Variants in CACNA1E observed in about 807,000 individuals in gnomAD.
CACNA1E encodes the protein voltage-dependent R-type calcium channel subunit alpha-1E.
In CACNA1E, 40 loss-of-function variants were observed where a neutral mutation model predicts 259.2. The observed-to-expected ratio is 0.15, with a 90% CI of 0.12 to 0.20. The LOEUF (loss-of-function observed/expected upper bound fraction) is 0.20, where lower values mean the gene tolerates loss of function less well. CACNA1E is among the 10% of genes least tolerant of loss of function. CACNA1E has a pLI of 1.00. For missense variants in CACNA1E, 1,874 were observed against 3,040.1 expected (o/e 0.62, Z 9.02); for synonymous variants, 1,104 against 1,138.5 (o/e 0.97, Z 0.61).
chr1:181,499,204 T>C (rs1665035108), intron 1 of CACNA1E, among the ~76,000 whole-genome samples: 1 of 152,124 alleles, frequency 6.6e-6, no homozygotes, highest in Non-Finnish European at 1.5e-5. Context: ...CATCTCAGAA[T>C]GGTTGCTGGG....
intron 29 of CACNA1E, among the ~76,000 whole-genome samples, chr1:181,756,676 A>G (rs1483018112): frequency 1.3e-5 from 2 of 152,198 alleles, no homozygotes; most frequent in South Asian, 2.1e-4. Flanking sequence ...TGTATTGAAC[A>G]TGACAACCTA....
rs557421154 is a variant in CACNA1E at position 181,631,222 on chromosome 1, G to A, written c.952-20116G>A. ...TATAGGTAGTCCTGCAGCCCAGGCT[G>A]TGTGCTGATTAGTCTGGGCTGTTGT... On this transcript the variant is annotated intron_variant, in intron 6 of 47. Transcript: ENST00000367573. Among the ~76,000 whole-genome samples, 4 of 152,286 alleles carry A rather than the reference G, an allele frequency of 2.6e-5. No individual in the cohort carries two copies. The East Asian group carries it at 7.7e-4, about 29-fold the overall frequency.
chr1:181,382,170 G>C (rs964305773), intron 1 of CACNA1E, among the ~76,000 whole-genome samples: 2 of 152,110 alleles, frequency 1.3e-5, no homozygotes, highest in African/African-American at 2.4e-5. Context: ...AAGATGAGGG[G>C]AAAAGTGTTC....
At chr1:181,449,575 C>T (rs1436526262) in intron 2 of CACNA1E, among the ~76,000 whole-genome samples, 1 of 152,126 alleles carries the variant, frequency 6.6e-6, no homozygotes, top group Non-Finnish European at 1.5e-5. Context: ...ATCTCTTCTC[C>T]CCCTTAGCTT....
At chr1:181,723,433 A>T (rs1236299825) in intron 16 of CACNA1E, among the ~76,000 whole-genome samples, 1 of 152,080 alleles carries the variant, frequency 6.6e-6, no homozygotes, top group African/African-American at 2.4e-5. Context: ...CTGTTCCCTT[A>T]CTCATCAACA....
chr1:181,661,865 A>T (rs558741128), intron 7 of CACNA1E, among the ~76,000 whole-genome samples: 1 of 152,222 alleles, frequency 6.6e-6, no homozygotes, highest in Non-Finnish European at 1.5e-5. Flanking sequence ...TTGGACTGAG[A>T]TCTACTAGGC....
chr1:181,540,681 CAG>C (rs1245795594), intron 3 of CACNA1E, among the ~76,000 whole-genome samples: 1 of 152,198 alleles, frequency 6.6e-6, no homozygotes, highest in East Asian at 1.9e-4. Context: ...GGGACACTGA[CAG>C]GGATATGAAC....
chr1:181,439,528 C>T (rs1660314415), intron 2 of CACNA1E, among the ~76,000 whole-genome samples: 1 of 152,132 alleles, frequency 6.6e-6, no homozygotes, highest in East Asian at 1.9e-4. Context: ...CCCTTAAGGA[C>T]AGGGCTGCAA....
intron 19 of CACNA1E, 115 bp downstream of exon 19, chr1:181,731,346 T>C (rs950672904): frequency 1.5e-5 from 12 of 783,556 alleles, no homozygotes; most frequent in Non-Finnish European, 2.2e-5. Flanking sequence ...GTGTGTGGCT[T>C]GGTGTGTGTG....
intron 7 of CACNA1E, among the ~76,000 whole-genome samples, chr1:181,672,251 G>C (rs554477402): frequency 1.3e-5 from 2 of 152,238 alleles, no homozygotes; most frequent in South Asian, 4.1e-4. Flanking sequence ...GAGGGTGGGA[G>C]GAGGGAGAGG....
intron 16 of CACNA1E, among the ~76,000 whole-genome samples, chr1:181,724,192 C>T (rs1260137191): frequency 6.6e-6 from 1 of 152,188 alleles, no homozygotes; most frequent in Non-Finnish European, 1.5e-5. Context: ...TCGTAATTTT[C>T]CTCACCCCAT....
chr1:181,727,245 C>T (rs1654996531), intron 18 of CACNA1E, among the ~76,000 whole-genome samples: 1 of 152,182 alleles, frequency 6.6e-6, no homozygotes, highest in Non-Finnish European at 1.5e-5. Context: ...GACAGCGCTC[C>T]TCCTGCTTAA....
At chr1:181,557,355 C>A (rs1648841765) in intron 3 of CACNA1E, among the ~76,000 whole-genome samples, 2 of 152,164 alleles carry the variant, frequency 1.3e-5, no homozygotes, top group Non-Finnish European at 2.9e-5. Flanking sequence ...TTCTGTACAG[C>A]CTTTGTTTTG....
chr1:181,732,236 G>T lies in CACNA1E; in HGVS notation c.2298-148G>T. 1 of 1,253,830 alleles carries T rather than the reference G, an allele frequency of 8.0e-7. No homozygotes were observed. The highest frequency in any genetic ancestry group is 1.0e-6 in the Non-Finnish European group (1 of 964,576). The allele number at this position is 1,253,830 out of a possible 1,614,324, so 77.7% of individuals were successfully genotyped here. ...CTCACGTGTGGCCCGCCTGCTCCTC[G>T]CATCTTTCTGTGCTTCCTGTCTGCA... On this transcript the variant is annotated intron_variant, in intron 19 of 47. Transcript: ENST00000367573. This position sits in a 1 kb window ranked among gnomAD's most constrained non-coding sequence, Gnocchi z 5.5.
At chr1:181,416,783 A>G (rs1202442522) in intron 2 of CACNA1E, among the ~76,000 whole-genome samples, 1 of 152,152 alleles carries the variant, frequency 6.6e-6, no homozygotes, top group Non-Finnish European at 1.5e-5. Flanking sequence ...GCATGTCATC[A>G]GATAATACCA....
chr1:181,764,258 T>C (rs1658835413), intron 34 of CACNA1E, among the ~76,000 whole-genome samples: 1 of 152,192 alleles, frequency 6.6e-6, no homozygotes, highest in Non-Finnish European at 1.5e-5. Context: ...GCAAATATCA[T>C]AAATTAGTTG....
At chr1:181,779,425 C>A in intron 38 of CACNA1E, 1 of 438,272 alleles carries the variant, frequency 2.3e-6, no homozygotes, top group South Asian at 1.6e-5. Flanking sequence ...TATTAACCCA[C>A]CTGTGCTTCC....
intron 17 of CACNA1E, 89 bp from the exon 18 acceptor site, chr1:181,725,976 A>G: frequency 1.3e-6 from 1 of 799,536 alleles, no homozygotes; most frequent in Non-Finnish European, 2.1e-6. Context: ...TTCACTTGGT[A>G]TTCAGAACTC....
intron 7 of CACNA1E, among the ~76,000 whole-genome samples, chr1:181,707,950 T>C (rs1251567516): frequency 2.6e-5 from 4 of 151,882 alleles, no homozygotes; most frequent in Non-Finnish European, 5.9e-5. Context: ...TCTAAAGGGA[T>C]GGGGAAGAGG....
Sources: allele counts gnomAD v4.1 joint callset (sites outside exome capture counted in the v4.1 genomes callset), GRCh38; gene constraint gnomAD v4.1.1; non-coding constraint Gnocchi (gnomAD v3.1); transcripts MANE v1.5; gene names NCBI Gene and HGNC (gene_info 2026-07-23, HGNC 2026-07-21).